SBF2: variants seen among roughly 807,000 people sequenced by gnomAD.
SBF2 encodes the protein myotubularin-related protein 13.
In SBF2, 112 loss-of-function variants were observed where a neutral mutation model predicts 225.2. The observed-to-expected ratio is 0.50, with a 90% CI of 0.43 to 0.58. The LOEUF (loss-of-function observed/expected upper bound fraction) is 0.58. Ranked by LOEUF, SBF2 falls within the 20% of genes least tolerant of loss-of-function variation. The probability of loss-of-function intolerance (pLI) is 0.00; values close to 1 mark genes in which losing one functional copy is unlikely to be tolerated. For synonymous variants in SBF2, 763 were observed against 773.3 expected, an observed-to-expected ratio of 0.99 and a Z score of 0.22; for missense variants, 1,996 against 2,206.2, an observed-to-expected ratio of 0.90 and a Z score of 1.91.
chr11:10,189,522 T>C (rs1048798629), intron 2 of SBF2, among the ~76,000 whole-genome samples: 1 of 152,222 alleles, frequency 6.6e-6, no homozygotes, highest in Non-Finnish European at 1.5e-5. Flanking sequence ...ACTTTTCCTA[T>C]GTTACACCTG....
chr11:9,967,858 T>A (rs1276637884), intron 14 of SBF2, among the ~76,000 whole-genome samples: 1 of 150,778 alleles, frequency 6.6e-6, no homozygotes, highest in Non-Finnish European at 1.5e-5. Flanking sequence ...GAAGTTACGG[T>A]GAGCCGAGAT....
chr11:9,852,732 T>C lies in SBF2; in HGVS notation c.2554A>G (p.Ile852Val). Reference protein sequence around the residue: ...CMIPGIVAMHIETLEAVHRES... With the variant: ...CMIPGIVAMHVETLEAVHRES... ...CGATGTACTGCTTCTAGGGTCTCAA[T>C]GTGCATAGCTACAATTCCTAGGATG... is the stretch of plus-strand genomic sequence containing the variant. The change falls in exon 21 of 40, where the codon ATT becomes GTT. Residue 852 changes from isoleucine (I) to valine (V), a missense_variant. Transcript: ENST00000256190. 1 of 1,612,394 alleles carries C rather than the reference T, an allele frequency of 6.2e-7. No individual in the cohort carries two copies. The highest frequency in any genetic ancestry group is 8.5e-7 in the Non-Finnish European group (1 of 1,178,492).
intron 13 of SBF2, among the ~76,000 whole-genome samples, chr11:9,984,086 G>A (rs1947085084): frequency 6.6e-6 from 1 of 152,124 alleles, no homozygotes; most frequent in Non-Finnish European, 1.5e-5. Flanking sequence ...AGAAATCTCT[G>A]ATTACCTGAA....
intron 6 of SBF2, among the ~76,000 whole-genome samples, chr11:10,017,287 G>C (rs957156232): frequency 1.3e-5 from 2 of 152,152 alleles, no homozygotes; most frequent in South Asian, 4.1e-4. Flanking sequence ...CTTTCAAATG[G>C]ATAAACAGTG....
At chr11:9,818,880 C>G (rs578128504) in intron 28 of SBF2, among the ~76,000 whole-genome samples, 1 of 152,158 alleles carries the variant, frequency 6.6e-6, no homozygotes, top group Admixed American at 6.5e-5. Context: ...CACCACCACG[C>G]CCGGCTAATT....
At chr11:9,809,706 G>A (rs545554056) in intron 30 of SBF2, among the ~76,000 whole-genome samples, 3 of 151,878 alleles carry the variant, frequency 2.0e-5, no homozygotes, top group Non-Finnish European at 2.9e-5. Flanking sequence ...CAGTGCACCC[G>A]GCTAATTTTT....
intron 2 of SBF2, among the ~76,000 whole-genome samples, chr11:10,160,909 C>G (rs1955699381): frequency 6.6e-6 from 1 of 152,064 alleles, no homozygotes; most frequent in African/African-American, 2.4e-5. Context: ...TACCACAAAC[C>G]TCATTACAGG....
chr11:10,269,702 G>C (rs1220332762), intron 1 of SBF2, among the ~76,000 whole-genome samples: 1 of 152,186 alleles, frequency 6.6e-6, no homozygotes, highest in African/African-American at 2.4e-5. Flanking sequence ...CTTGTCTAAA[G>C]CCAGAACTAC....
chr11:9,911,197 T>C (rs975529411), intron 16 of SBF2, among the ~76,000 whole-genome samples: 1 of 151,556 alleles, frequency 6.6e-6, no homozygotes, highest in African/African-American at 2.4e-5. Flanking sequence ...TGAAACCCCG[T>C]CTCTACTAAA....
At chr11:9,971,265 T>C (rs1184093515) in intron 13 of SBF2, among the ~76,000 whole-genome samples, 1 of 152,016 alleles carries the variant, frequency 6.6e-6, no homozygotes, top group Non-Finnish European at 1.5e-5. Flanking sequence ...AAAATAAAAG[T>C]AGAAATAATC....
intron 2 of SBF2, among the ~76,000 whole-genome samples, chr11:10,078,267 T>A (rs1026641500): frequency 6.6e-6 from 1 of 152,220 alleles, no homozygotes; most frequent in Non-Finnish European, 1.5e-5. Context: ...GATCCAGTGA[T>A]CCCATTACTG....
At chr11:9,931,394 A>G (rs963322229) in intron 16 of SBF2, among the ~76,000 whole-genome samples, 1 of 152,186 alleles carries the variant, frequency 6.6e-6, no homozygotes, top group Non-Finnish European at 1.5e-5. Flanking sequence ...CCCCTCTGGG[A>G]CGAAGCTTTC....
Position 9,967,966 on chromosome 11 carries a change from TCTCTCTATATATATATATATATATAAA to T in SBF2, c.1600+348_1600+374del, listed in dbSNP as rs1455571644. On this transcript the variant is annotated intron_variant, in intron 14 of 39. Transcript: ENST00000256190. ...CTGTCTGTCTCTCTCTCTCTCTCTC[TCTCTCTATATATATATATATATATAAA>T]ATATATATATATTCTCAAATTAAAT... 3.3e-5 allele frequency among the ~76,000 whole-genome samples: 3 copies of T among 91,142 alleles called. No individual in the cohort carries two copies. In the East Asian group the frequency reaches 1.2e-3, roughly 36 times the overall value. The allele number at this position is 91,142 out of a possible 152,430, so 59.8% of individuals were successfully genotyped here.
rs547459003 is a variant in SBF2 at position 9,977,748 on chromosome 11, C to T, written c.1396-9203G>A. Among the ~76,000 whole-genome samples the T allele has an allele frequency of 3.9e-5, 6 of 152,278 alleles. No homozygotes were observed. In the South Asian group the frequency reaches 1.2e-3, roughly 32 times the overall value. On this transcript the variant is annotated intron_variant, in intron 13 of 39. Transcript: ENST00000256190. Reference sequence around the variant, plus strand: ...TTTCCTTCTCCTTCCTTCCACCTAACCCATTCCCCCAAAGTCACCAAATGC... The same window carrying T: ...TTTCCTTCTCCTTCCTTCCACCTAATCCATTCCCCCAAAGTCACCAAATGC...
intron 2 of SBF2, among the ~76,000 whole-genome samples, chr11:10,189,522 T>A (rs1048798629): frequency 1.3e-5 from 2 of 152,222 alleles, no homozygotes; most frequent in Non-Finnish European, 2.9e-5. Flanking sequence ...ACTTTTCCTA[T>A]GTTACACCTG....
chr11:10,081,947 A>AG (rs1410049185), intron 2 of SBF2, among the ~76,000 whole-genome samples: 2 of 152,054 alleles, frequency 1.3e-5, no homozygotes, highest in Non-Finnish European at 2.9e-5. Flanking sequence ...AAAATTAAAA[A>AG]GTTGATACTT....
chr11:9,927,808 C>T (rs973501107), intron 16 of SBF2, among the ~76,000 whole-genome samples: 2 of 152,012 alleles, frequency 1.3e-5, no homozygotes, highest in African/African-American at 4.8e-5. Context: ...ACAAAAAAAC[C>T]CTACAGCTAA....
intron 28 of SBF2, among the ~76,000 whole-genome samples, chr11:9,822,291 C>T (rs996646860): frequency 4.3e-5 from 6 of 140,182 alleles, no homozygotes; most frequent in Non-Finnish European, 6.1e-5. Context: ...GACGGAGTCT[C>T]GCTCTGTCAC....
intron 17 of SBF2, among the ~76,000 whole-genome samples, chr11:9,894,164 T>C (rs1219854137): frequency 2.6e-5 from 4 of 151,992 alleles, no homozygotes; most frequent in Admixed American, 2.6e-4. Flanking sequence ...GGCAGACAGC[T>C]TGAGTCTAGG....
Sources: gnomAD v4.1 joint callset for allele counts (sites outside exome capture counted in the v4.1 genomes callset) on GRCh38, gnomAD v4.1.1 for gene constraint, MANE v1.5 for transcripts, NCBI Gene and HGNC (gene_info 2026-07-23, HGNC 2026-07-21) for gene names.